HDAC6: variants seen among roughly 807,000 people sequenced by gnomAD.
HDAC6 encodes the protein protein deacetylase HDAC6.
A neutral mutation model predicts 88.9 loss-of-function variants in HDAC6; 5 were observed. That is an observed-to-expected ratio of 0.06 (90% CI 0.03 to 0.12). HDAC6 has a LOEUF of 0.12. Ranked by LOEUF, HDAC6 falls within the 10% of genes least tolerant of loss-of-function variation. The pLI is 1.00. For synonymous variants in HDAC6, 378 were observed against 398.0 expected (o/e 0.95, Z 0.60); for missense variants, 706 against 1,014.4 (o/e 0.70, Z 4.13).
At chrX:48,807,927 G>A in intron 8 of HDAC6, 106 bp from the exon 9 acceptor site, 2 of 550,592 alleles carry the variant, frequency 3.6e-6, no homozygotes, top group Non-Finnish European at 6.1e-6. Context: ...TTAGGCATCA[G>A]CATTAAAGGA....
At chrX:48,805,354 G>T (rs995512819) in intron 4 of HDAC6, 84 bp from the exon 5 acceptor site, 2 of 697,059 alleles carry the variant, frequency 2.9e-6, no homozygotes, top group Non-Finnish European at 2.2e-6. Flanking sequence ...AGCTGTGGAA[G>T]GGTGGATGGG....
rs782716021 is a variant in HDAC6, at chrX:48,823,324, G to T, written c.2925G>T (p.Thr975=). 8.3e-7 allele frequency: 1 copy of T among 1,200,925 alleles called. No individual in the cohort carries two copies. The highest frequency in any genetic ancestry group is 1.1e-6 in the Non-Finnish European group (1 of 889,827). Residue 975 remains threonine, a synonymous_variant, in exon 25 of 29, where the codon ACG becomes ACT. Coordinates refer to ENST00000334136, the MANE Select transcript of HDAC6 (RefSeq NM_006044.4). ...CAGAGGATGCTGTTGGGGGAGCCAC[G>T]CTGGGCCAGACTACCTCAGAGGAGG... ...TTSEDAVGGA[T]LGQTTSEEAV...
chrX:48,818,748 C>A (rs957063201), intron 22 of HDAC6, among the ~76,000 whole-genome samples: 1 of 112,095 alleles, frequency 8.9e-6, no homozygotes, highest in Non-Finnish European at 1.9e-5. Context: ...TGAGTATGTG[C>A]GTGTGCGACT....
At position 48,824,905 on chromosome X, in the gene HDAC6, A is replaced by G. The variant is rs1557031998; in HGVS notation, c.*293A>G. 2 of 1,093,944 alleles carry G rather than the reference A, an allele frequency of 1.8e-6. No homozygotes were observed. Among genetic ancestry groups the G allele is most frequent in the Admixed American group, 5.4e-5 (2 of 36,726 alleles). 90.2% of individuals were successfully genotyped at this position (1,093,944 alleles called of 1,213,427 possible). A position where few individuals can be genotyped will look rare whatever the true frequency, so the allele number is the denominator to read the frequency against. On this transcript the variant is annotated 3_prime_UTR_variant, in exon 29 of 29. Coordinates refer to ENST00000334136, the MANE Select transcript of HDAC6 (RefSeq NM_006044.4). The stretch of plus-strand genomic sequence containing the variant: ...AGGGAGCTGATATCATGAGGATAAC[A>G]TTGGCGGGAGGGGAGTTAACTGGCA...
Position 48,815,033 on chromosome X carries a change from G to A in HDAC6, c.1131G>A (p.Lys377=), listed in dbSNP as rs782795837. ...THLLMGLAGG[K]LILSLEGGYN... ...TGCTCATGGGTCTGGCAGGAGGCAA[G>A]CTGATCCTGTCTCTGGAGGTGAGTG... The change falls in exon 14 of 29, where the codon AAG becomes AAA. Residue 377 remains lysine, a synonymous_variant. Coordinates refer to ENST00000334136, the MANE Select transcript of HDAC6 (RefSeq NM_006044.4). 10 of 1,199,472 alleles carry A rather than the reference G, an allele frequency of 8.3e-6. No individual in the cohort carries two copies. Among genetic ancestry groups the A allele is most frequent in the Middle Eastern group, 2.5e-4 (1 of 3,926 alleles).
upstream of HDAC6, chrX:48,801,655 G>A: frequency 3.8e-6 from 1 of 261,143 alleles, no homozygotes; most frequent in Non-Finnish European, 6.8e-6. Flanking sequence ...GTAGCACGCC[G>A]ACGCACCGCC....
chrX:48,815,750 G>A (rs2062974203), intron 16 of HDAC6, 108 bp downstream of exon 16: 4 of 1,029,555 alleles, frequency 3.9e-6, no homozygotes, highest in African/African-American at 1.9e-5. Context: ...GTGGGAGAGG[G>A]TCAGGCCCTC....
In HDAC6 at chrX:48,803,263, C is replaced by T. The variant is rs782188147; in HGVS notation, c.311+47C>T. 1.8e-5 allele frequency: 17 copies of T among 936,042 alleles called. No homozygotes were observed. The Middle Eastern group carries it at 1.2e-3, about 64-fold the overall frequency. 77.1% of individuals were successfully genotyped at this position (936,042 alleles called of 1,213,427 possible). A position where few individuals can be genotyped will look rare whatever the true frequency, so the allele number is the denominator to read the frequency against. On this transcript the variant is annotated intron_variant, in intron 4 of 28. Coordinates refer to ENST00000334136, the MANE Select transcript of HDAC6 (RefSeq NM_006044.4). ...TGTCTCCAAACCACAAAAATACACA[C>T]ACTTAGAGCCCATTAGCAAGAATAA...
Position 48,824,213 on chromosome X carries a change from A to G in HDAC6, c.3498A>G (p.Gly1166=). Residue 1166 remains glycine, a synonymous_variant, in exon 28 of 29, where the codon GGA becomes GGG. Coordinates refer to ENST00000334136, the MANE Select transcript of HDAC6 (RefSeq NM_006044.4). ...YINGHMLQHH[G]NSGHPLVLSY... ...ATGGCCACATGCTCCAACACCATGG[A>G]AATTCTGGACACCCGCTGGTCCTCA... 8.3e-7 allele frequency: 1 copy of G among 1,211,013 alleles called. No homozygotes were observed. Among genetic ancestry groups the G allele is most frequent in the Non-Finnish European group, 1.1e-6 (1 of 895,132 alleles).
At chrX:48,814,632 G>A (rs782586891) in intron 11 of HDAC6, 43 bp from the exon 12 acceptor site, 1 of 1,205,877 alleles carries the variant, frequency 8.3e-7, no homozygotes, top group Non-Finnish European at 1.1e-6. Flanking sequence ...AGCGGCTCGG[G>A]ACAGGTGGCT....
intron 11 of HDAC6, 44 bp from the exon 12 acceptor site, chrX:48,814,631 G>A: frequency 6.6e-6 from 8 of 1,205,478 alleles, no homozygotes; most frequent in Non-Finnish European, 9.0e-6. Flanking sequence ...CAGCGGCTCG[G>A]GACAGGTGGC....
In HDAC6 at chrX:48,823,384, G is replaced by A. The variant is rs782750634; in HGVS notation, c.2985G>A (p.Ser995=). 9.9e-6 allele frequency: 12 copies of A among 1,207,034 alleles called. No homozygotes were observed. The highest frequency in any genetic ancestry group is 3.6e-5 in the South Asian group (2 of 56,273). The change falls in exon 25 of 29, where the codon TCG becomes TCA. Residue 995 remains serine, a synonymous_variant. Coordinates refer to ENST00000334136, the MANE Select transcript of HDAC6 (RefSeq NM_006044.4). ...VGGATLAQTT[S]EAAMEGATLD... ...GAGCTACACTGGCCCAGACCACCTCGGAGGCAGCCATGGAGGGAGCCACAC... is the reference window on the plus strand; with the variant it reads ...GAGCTACACTGGCCCAGACCACCTCAGAGGCAGCCATGGAGGGAGCCACAC...
intron 22 of HDAC6, among the ~76,000 whole-genome samples, chrX:48,818,978 G>A (rs2063036146): frequency 8.9e-6 from 1 of 112,002 alleles, no homozygotes; most frequent in Non-Finnish European, 1.9e-5. Context: ...GGAGGCTGGT[G>A]GCTTGTGTAT....
At chrX:48,801,652 G>A (rs1413262608), upstream of HDAC6, 1 of 256,681 alleles carries the variant, frequency 3.9e-6, no homozygotes, top group Non-Finnish European at 7.0e-6. Flanking sequence ...GGCGTAGCAC[G>A]CCGACGCACC....
chrX:48,814,917 C>T (rs782637538), intron 13 of HDAC6, 24 bp downstream of exon 13: 2 of 1,209,970 alleles, frequency 1.7e-6, no homozygotes, highest in South Asian at 3.5e-5. Context: ...CCTGGGGCGG[C>T]AGGTGGGTTG....
At chrX:48,822,891 G>A (rs782249002) in intron 24 of HDAC6, 21 bp from the exon 25 acceptor site, 4 of 1,166,651 alleles carry the variant, frequency 3.4e-6, no homozygotes, top group Non-Finnish European at 3.4e-6. Context: ...CACACTCAAG[G>A]ATCTCCCTCC....
At position 48,814,468 on chromosome X, in the gene HDAC6, G is replaced by T. The variant is rs1382688247; in HGVS notation, c.835G>T (p.Glu279Ter). ...SVLYFSIHRYEQGRFWPHLKA... is the reference protein window; with the variant it reads ...SVLYFSIHRY Reference sequence around the variant, plus strand: ...CCTCTATTTCTCCATCCACCGCTACGAGCAGGGTAGGTTCTGGCCCCACCT... The same window carrying T: ...CCTCTATTTCTCCATCCACCGCTACTAGCAGGGTAGGTTCTGGCCCCACCT... Residue 279 changes from glutamate to a stop codon, truncating the protein, a stop_gained, in exon 11 of 29, where the codon GAG becomes TAG. Transcript: ENST00000334136. LOFTEE classifies it high-confidence loss of function. 1 of 1,209,601 alleles carries T rather than the reference G, an allele frequency of 8.3e-7. No individual in the cohort carries two copies. The highest frequency in any genetic ancestry group is 1.1e-6 in the Non-Finnish European group (1 of 894,808).
chrX:48,804,256 C>T (rs1402966156), intron 4 of HDAC6, among the ~76,000 whole-genome samples: 2 of 112,214 alleles, frequency 1.8e-5, no homozygotes, highest in Non-Finnish European at 1.9e-5. Flanking sequence ...TCAAAGGTTC[C>T]ACATGATCTG....
chrX:48,815,865 C>T lies in HDAC6; in HGVS notation c.1325-19C>T, dbSNP rs1301868624. On this transcript the variant is annotated intron_variant, in intron 16 of 28. Coordinates refer to ENST00000334136, the MANE Select transcript of HDAC6 (RefSeq NM_006044.4). ...ATTCAGATTGAGAGGGTAGGACAAA[C>T]GTGGCCTCCCCCTTTTAGCTGAGAC... is the stretch of plus-strand genomic sequence containing the variant. 1.1e-5 allele frequency: 13 copies of T among 1,200,751 alleles called. No individual in the cohort carries two copies. The highest frequency in any genetic ancestry group is 3.6e-5 in the South Asian group (2 of 55,860).
Sources: allele counts gnomAD v4.1 joint callset (sites outside exome capture counted in the v4.1 genomes callset), GRCh38; gene constraint gnomAD v4.1.1; transcripts MANE v1.5; gene names NCBI Gene and HGNC (gene_info 2026-07-23, HGNC 2026-07-21).